EPS8: variants seen among roughly 807,000 people sequenced by gnomAD.
EPS8 encodes the protein EGFR pathway substrate 8, signaling adaptor.
Under a neutral mutation model 103.8 loss-of-function variants are expected in EPS8, and 42 were observed. That is an observed-to-expected ratio of 0.40 (90% CI 0.32 to 0.52). The LOEUF is 0.52. EPS8 is among the 20% of genes least tolerant of loss of function. EPS8 has a pLI of 0.40. For missense variants in EPS8, 969 were observed against 1,005.1 expected (o/e 0.96, Z 0.49); for synonymous variants, 344 against 344.6 (o/e 1.00, Z 0.02).
intron 2 of EPS8, among the ~76,000 whole-genome samples, chr12:15,681,958 C>T (rs1267619793): frequency 6.6e-6 from 1 of 151,886 alleles, no homozygotes; most frequent in Non-Finnish European, 1.5e-5. Flanking sequence ...AAAATAAGTA[C>T]ATAAAATAAT....
chr12:15,654,377 A>G (rs1253157468), intron 12 of EPS8, 84 bp from the exon 13 acceptor site: 6 of 1,196,826 alleles, frequency 5.0e-6, no homozygotes, highest in Non-Finnish European at 6.1e-6. Context: ...CCATGGCAAA[A>G]ACAAGCACTA....
At chr12:15,640,567 C>T in intron 17 of EPS8, 136 bp downstream of exon 17, 1 of 642,806 alleles carries the variant, frequency 1.6e-6, no homozygotes, top group Non-Finnish European at 2.5e-6. Context: ...GCCACTCCCC[C>T]ACCAATTACT....
chr12:15,639,561 T>A (rs927186757), intron 17 of EPS8, among the ~76,000 whole-genome samples: 4 of 152,054 alleles, frequency 2.6e-5, no homozygotes, highest in African/African-American at 2.4e-5. Flanking sequence ...TGCCATCACT[T>A]TAAGTTACCG....
At chr12:15,662,495 C>T (rs1278682607) in intron 8 of EPS8, 4 of 994,242 alleles carry the variant, frequency 4.0e-6, no homozygotes, top group East Asian at 1.1e-4. Flanking sequence ...TGCAACAGAG[C>T]TATAATTTTT....
In EPS8 at chr12:15,725,843, T is replaced by A. The variant is rs1342844157; in HGVS notation, c.-21-42871A>T. 6.6e-6 allele frequency among the ~76,000 whole-genome samples: 1 copy of A among 152,236 alleles called. No homozygotes were observed. ...AGCATTTGTTGAAATTTGTCTCACA[T>A]CAGTAGGCTGCTTGATTGGTTCAAA... On this transcript the variant is annotated intron_variant, in intron 1 of 20. Coordinates refer to ENST00000281172, the MANE Select transcript of EPS8 (RefSeq NM_004447.6). The surrounding 1 kb of genome is among the most constrained non-coding windows in gnomAD (Gnocchi z 4.5).
rs750628409 is a variant in EPS8 at position 15,640,853 on chromosome 12, T to G, written c.1678-7A>C. 1.2e-6 allele frequency: 2 copies of G among 1,612,508 alleles called. No homozygotes were observed. Among genetic ancestry groups the G allele is most frequent in the Non-Finnish European group, 8.5e-7 (1 of 1,179,602 alleles). ...GCTTCCGATCATCAAGTATCTGTCA[T>G]GTACAAGAAAATAAAGGTATAATTT... On this transcript the variant is annotated splice_region_variant and splice_polypyrimidine_tract_variant and intron_variant, in intron 16 of 20. Coordinates refer to ENST00000281172, the MANE Select transcript of EPS8 (RefSeq NM_004447.6).
rs1591860957 is a variant in EPS8, at chr12:15,690,490, T to C, written c.-21-7518A>G. Among the ~76,000 whole-genome samples the C allele has an allele frequency of 6.6e-6, 1 of 152,152 alleles. No homozygotes were observed. The stretch of plus-strand genomic sequence containing the variant: ...TATTTCTTATCTCAACTTCCTCTCT[T>C]CCTGCCTGCCATAATATTCTAACAT... On this transcript the variant is annotated intron_variant, in intron 1 of 20. Transcript: ENST00000281172. This position sits in a 1 kb window ranked among gnomAD's most constrained non-coding sequence, Gnocchi z 4.7.
At chr12:15,677,123 T>C (rs972170015) in intron 3 of EPS8, among the ~76,000 whole-genome samples, 2 of 152,194 alleles carry the variant, frequency 1.3e-5, no homozygotes, top group African/African-American at 4.8e-5. Flanking sequence ...ATCAAAATAT[T>C]ACATTTGAGA....
intron 17 of EPS8, among the ~76,000 whole-genome samples, chr12:15,639,367 A>G (rs1945190243): frequency 6.6e-6 from 1 of 152,192 alleles, no homozygotes; most frequent in Non-Finnish European, 1.5e-5. Flanking sequence ...GAAAAGAAAA[A>G]GGTATAAAAA....
In EPS8 at chr12:15,670,908, T is replaced by G; in HGVS notation, c.152A>C (p.Tyr51Ser). 1 of 1,612,046 alleles carries G rather than the reference T, an allele frequency of 6.2e-7. No individual in the cohort carries two copies. Reference sequence around the variant, plus strand: ...CACACTGCTGACACTGTCCCGTGCATAATTCTTCCTTTGTTCTGAAAGAGA... The same window carrying G: ...CACACTGCTGACACTGTCCCGTGCAGAATTCTTCCTTTGTTCTGAAAGAGA... ...AKALYEQRKN[Y>S]ARDSVSSVSD... Residue 51 changes from tyrosine (Y) to serine (S), a missense_variant, in exon 4 of 21, where the codon TAT becomes TCT. By Grantham distance (144) the Tyr-to-Ser change is moderately radical. Transcript: ENST00000281172.
At chr12:15,709,138 T>G (rs544196617) in intron 1 of EPS8, among the ~76,000 whole-genome samples, 1 of 152,144 alleles carries the variant, frequency 6.6e-6, no homozygotes, top group Non-Finnish European at 1.5e-5. Flanking sequence ...ATAATAAGCA[T>G]GTACTGAATG....
rs1395049616 is a variant in EPS8 at position 15,734,278 on chromosome 12, C to T, written c.-21-51306G>A. ...GTTTTCTCTCCTCCTCAGCTGCTTC[C>T]TCCTCTTCCTTTTCTTCTATTTGTT... On this transcript the variant is annotated intron_variant, in intron 1 of 20. Transcript: ENST00000281172. This position sits in a 1 kb window ranked among gnomAD's most constrained non-coding sequence, Gnocchi z 4.1. 6.6e-6 allele frequency among the ~76,000 whole-genome samples: 1 copy of T among 152,206 alleles called. No individual in the cohort carries two copies. The highest frequency in any genetic ancestry group is 1.5e-5 in the Non-Finnish European group (1 of 68,042).
chr12:15,642,407 A>G (rs963220021), intron 15 of EPS8, among the ~76,000 whole-genome samples: 6 of 152,294 alleles, frequency 3.9e-5, no homozygotes, highest in Middle Eastern at 3.4e-3. Flanking sequence ...CTTGCAAATA[A>G]GTAAGTAAAT....
chr12:15,695,482 T>A lies in EPS8; in HGVS notation c.-21-12510A>T, dbSNP rs772584831. ...GAGCACAAGTGTTGAGCACTTGAAA[T>A]GTGGCTAGTGCCACTAAGAAACTGA... On this transcript the variant is annotated intron_variant, in intron 1 of 20. Transcript: ENST00000281172. The surrounding 1 kb of genome is among the most constrained non-coding windows in gnomAD (Gnocchi z 5.0). Among the ~76,000 whole-genome samples the A allele has an allele frequency of 1.2e-4, 19 of 152,254 alleles. No individual in the cohort carries two copies. Among genetic ancestry groups the A allele is most frequent in the African/African-American group, 4.6e-4 (19 of 41,466 alleles).
intron 2 of EPS8, among the ~76,000 whole-genome samples, chr12:15,681,992 TA>T (rs1447605022): frequency 6.6e-6 from 1 of 152,018 alleles, no homozygotes; most frequent in Non-Finnish European, 1.5e-5. Context: ...GATATCTGGG[TA>T]AAACTAATAG....
intron 13 of EPS8, among the ~76,000 whole-genome samples, chr12:15,652,060 C>T (rs1006235549): frequency 2.6e-5 from 4 of 152,066 alleles, no homozygotes; most frequent in East Asian, 1.9e-4. Context: ...AGGATGCCAC[C>T]GAGGCTTATC....
chr12:15,773,757 A>G (rs572126302), intron 1 of EPS8, among the ~76,000 whole-genome samples: 178 of 152,270 alleles, frequency 1.2e-3, no homozygotes, highest in African/African-American at 4.1e-3. Flanking sequence ...ATATCATAGG[A>G]AGAAGAAAGA....
intron 14 of EPS8, among the ~76,000 whole-genome samples, chr12:15,650,312 A>G (rs1945389910): frequency 6.6e-6 from 1 of 152,206 alleles, no homozygotes; most frequent in African/African-American, 2.4e-5. Context: ...GGGAAGAAAG[A>G]AAACAAACAG....
chr12:15,624,346 C>T lies in EPS8; in HGVS notation c.2106G>A (p.Arg702=), dbSNP rs991083489. Residue 702 remains arginine, a synonymous_variant, in exon 19 of 21, where the codon CGG becomes CGA. Coordinates refer to ENST00000281172, the MANE Select transcript of EPS8 (RefSeq NM_004447.6). ...CATGGAATTTCTTCTGAGCGGCACT[C>T]CGACCAATGGTCAGTCTGTGGATGA... ...DELIHRLTIG[R]SAAQKKFHVP... is the part of the protein sequence containing the mutation. The T allele has an allele frequency of 4.4e-6, 7 of 1,609,144 alleles. No individual in the cohort carries two copies. Among genetic ancestry groups the T allele is most frequent in the Non-Finnish European group, 5.1e-6 (6 of 1,176,696 alleles).
Sources: allele counts gnomAD v4.1 joint callset (sites outside exome capture counted in the v4.1 genomes callset), GRCh38; gene constraint gnomAD v4.1.1; non-coding constraint Gnocchi (gnomAD v3.1); transcripts MANE v1.5; gene names NCBI Gene and HGNC (gene_info 2026-07-23, HGNC 2026-07-21).